COP1: variants seen among roughly 807,000 people sequenced by gnomAD.
COP1 encodes E3 ubiquitin-protein ligase COP1.
COP1 carries 24 observed loss-of-function variants against 101.3 expected under a neutral mutation model. The observed-to-expected ratio is 0.24, with a 90% CI of 0.17 to 0.33. The LOEUF is 0.33. COP1 is among the 10% of genes least tolerant of loss of function. The pLI is 1.00. For synonymous variants in COP1, 347 were observed against 341.9 expected (o/e 1.01, Z -0.17); for missense variants, 663 against 906.2 (o/e 0.73, Z 3.45).
chr1:176,181,841 CAA>C (rs559971333), intron 2 of COP1, among the ~76,000 whole-genome samples: 1 of 139,398 alleles, frequency 7.2e-6, no homozygotes, highest in Non-Finnish European at 1.6e-5. Flanking sequence ...GACTCCATCT[CAA>C]AAAAAAAAAC....
At chr1:176,009,798 T>A (rs1386053602) in intron 15 of COP1, among the ~76,000 whole-genome samples, 1 of 148,748 alleles carries the variant, frequency 6.7e-6, no homozygotes, top group Admixed American at 6.8e-5. Context: ...GACAGGGGCA[T>A]ATGAAGATGG....
chr1:176,008,450 C>G (rs1446550013), intron 15 of COP1, among the ~76,000 whole-genome samples: 1 of 152,158 alleles, frequency 6.6e-6, no homozygotes, highest in Non-Finnish European at 1.5e-5. Flanking sequence ...CTTTCAACAA[C>G]AGAATTATTT....
chr1:176,206,906 TCACCGAGGAGGC>T lies in COP1; in HGVS notation c.61_72del (p.Ala21_Val24del). The T allele has an allele frequency of 2.0e-6, 3 of 1,465,756 alleles. No individual in the cohort carries two copies. Among genetic ancestry groups the T allele is most frequent in the Non-Finnish European group, 2.7e-6 (3 of 1,114,450 alleles). The allele number at this position is 1,465,756 out of a possible 1,614,324, so 90.8% of individuals were successfully genotyped here. The stretch of plus-strand genomic sequence containing the variant: ...GAGGATAAAGACGAGGAGGCGGAAG[TCACCGAGGAGGC>T]CGCCGAGGACCCGGGGCTTGTCCCA... On this transcript the variant is annotated inframe_deletion, in exon 1 of 20. Transcript: ENST00000367669.
In COP1 at chr1:176,145,621, A is replaced by T. The variant is rs1283414389; in HGVS notation, c.831+3385T>A. Among the ~76,000 whole-genome samples, 3 of 152,256 alleles carry T rather than the reference A, an allele frequency of 2.0e-5. No homozygotes were observed. In the East Asian group the frequency reaches 5.8e-4, roughly 29 times the overall value. On this transcript the variant is annotated intron_variant, in intron 6 of 19. Transcript: ENST00000367669. ...AACTCAAATGACGACCAACAACAAA[A>T]ATGGGGCATATTCACTTAATGGAAT...
chr1:176,197,046 C>A (rs1390223718), intron 1 of COP1, among the ~76,000 whole-genome samples: 1 of 152,150 alleles, frequency 6.6e-6, no homozygotes, highest in Non-Finnish European at 1.5e-5. Context: ...TATATTCTAA[C>A]TCCCAGTATC....
At position 176,043,749 on chromosome 1, in the gene COP1, T is replaced by C. The variant is rs753335208; in HGVS notation, c.1491A>G (p.Leu497=). The C allele has an allele frequency of 2.5e-6, 4 of 1,611,180 alleles. No individual in the cohort carries two copies. The highest frequency in any genetic ancestry group is 4.5e-5 in the East Asian group (2 of 44,768). ...ASSDYEGTVI[L]WDGFTGQRSK... is the part of the protein sequence containing the mutation. Reference sequence around the variant, plus strand: ...ACCTCTGTCCTGTGAATCCATCCCATAAAATAACAGTGCCTTCATAATCAC... The same window carrying C: ...ACCTCTGTCCTGTGAATCCATCCCACAAAATAACAGTGCCTTCATAATCAC... Residue 497 remains leucine (L), a synonymous_variant, in exon 13 of 20, where the codon TTA becomes TTG. Coordinates refer to ENST00000367669, the MANE Select transcript of COP1 (RefSeq NM_022457.7).
At chr1:176,197,377 C>G (rs1234279267) in intron 1 of COP1, among the ~76,000 whole-genome samples, 1 of 152,166 alleles carries the variant, frequency 6.6e-6, no homozygotes, top group Non-Finnish European at 1.5e-5. Flanking sequence ...GATGGTGCCA[C>G]TGTACTCCAG....
At chr1:176,106,106 C>T (rs1464899582) in intron 9 of COP1, among the ~76,000 whole-genome samples, 1 of 152,180 alleles carries the variant, frequency 6.6e-6, no homozygotes, top group Non-Finnish European at 1.5e-5. Flanking sequence ...GCTCAGCTCA[C>T]TGCAGCTCCT....
Position 175,972,654 on chromosome 1 carries a change from CG to C in COP1, c.2133+14288del, listed in dbSNP as rs1653542198. ...TAATTTTTGTATTTTTTAGTAGAGA[CG>C]GGGTTTCACCATGTTGGCCAGGCTG... On this transcript the variant is annotated intron_variant, in intron 18 of 19. Coordinates refer to ENST00000367669, the MANE Select transcript of COP1 (RefSeq NM_022457.7). Among the ~76,000 whole-genome samples the C allele has an allele frequency of 4.0e-5, 6 of 151,272 alleles. 1 individual carries two copies. The South Asian group carries it at 1.3e-3, about 32-fold the overall frequency.
intron 3 of COP1, among the ~76,000 whole-genome samples, chr1:176,168,201 G>T (rs1695441570): frequency 6.6e-6 from 1 of 151,784 alleles, no homozygotes; most frequent in Non-Finnish European, 1.5e-5. Flanking sequence ...GGGATTACCG[G>T]TGCGCACCAC....
intron 2 of COP1, among the ~76,000 whole-genome samples, chr1:176,179,979 A>C (rs189173347): frequency 2.6e-5 from 4 of 152,290 alleles, no homozygotes; most frequent in Non-Finnish European, 4.4e-5. Flanking sequence ...AAGTATATCA[A>C]ATTACATACC....
intron 1 of COP1, among the ~76,000 whole-genome samples, chr1:176,188,792 C>T (rs1698775648): frequency 6.6e-6 from 1 of 151,582 alleles, no homozygotes; most frequent in Non-Finnish European, 1.5e-5. Flanking sequence ...TCTTCCTCTC[C>T]TCAGGCCACT....
intron 8 of COP1, among the ~76,000 whole-genome samples, chr1:176,127,660 T>C (rs1688246478): frequency 6.6e-6 from 1 of 151,804 alleles, no homozygotes; most frequent in African/African-American, 2.4e-5. Flanking sequence ...TTCATCCATT[T>C]AGATAAATAC....
At chr1:176,003,335 G>A (rs1178342291) in intron 15 of COP1, among the ~76,000 whole-genome samples, 3 of 152,160 alleles carry the variant, frequency 2.0e-5, no homozygotes, top group African/African-American at 4.8e-5. Context: ...CTTTCGCTGT[G>A]CAGAAGCTCT....
At chr1:175,983,061 G>C (rs1189174842) in intron 18 of COP1, among the ~76,000 whole-genome samples, 7 of 152,190 alleles carry the variant, frequency 4.6e-5, no homozygotes, top group Admixed American at 4.6e-4. Flanking sequence ...AAGCATGTGA[G>C]ATGACCGATA....
intron 11 of COP1, among the ~76,000 whole-genome samples, chr1:176,077,309 AGTAT>A (rs1678232271): frequency 6.6e-6 from 1 of 152,218 alleles, no homozygotes; most frequent in African/African-American, 2.4e-5. Flanking sequence ...GCCACAATCA[AGTAT>A]GCTTTATTCC....
intron 9 of COP1, among the ~76,000 whole-genome samples, chr1:176,101,351 T>C (rs1435860468): frequency 6.6e-6 from 1 of 152,154 alleles, no homozygotes; most frequent in Non-Finnish European, 1.5e-5. Flanking sequence ...AAGCAGCCAT[T>C]CATCTTCACT....
chr1:176,061,835 T>C (rs35151827), intron 11 of COP1, among the ~76,000 whole-genome samples: 16,946 of 152,036 alleles, frequency 0.11, 1,193 homozygotes, highest in East Asian at 0.15. Flanking sequence ...CTGGAATTCA[T>C]CAAAATTAAG....
At chr1:176,074,319 T>C (rs904041013) in intron 11 of COP1, among the ~76,000 whole-genome samples, 12 of 152,176 alleles carry the variant, frequency 7.9e-5, no homozygotes, top group African/African-American at 1.9e-4. Flanking sequence ...AATGATGTGT[T>C]TGAATATAAG....
Sources: allele counts gnomAD v4.1 joint callset (sites outside exome capture counted in the v4.1 genomes callset), GRCh38; gene constraint gnomAD v4.1.1; transcripts MANE v1.5; gene names NCBI Gene and HGNC (gene_info 2026-07-23, HGNC 2026-07-21).